Variants in DIAPH2 observed in about 807,000 individuals in gnomAD.
DIAPH2 encodes the protein diaphanous related formin 2.
A neutral mutation model predicts 92.7 loss-of-function variants in DIAPH2; 35 were observed. The observed-to-expected ratio is 0.38, with a 90% confidence interval of 0.29 to 0.50. The LOEUF is 0.50. Ranked by LOEUF, DIAPH2 falls within the 20% of genes least tolerant of loss-of-function variation. The pLI is 0.94. For missense variants in DIAPH2, 701 were observed against 819.5 expected, an observed-to-expected ratio of 0.86 and a Z score of 1.77; for synonymous variants, 301 against 280.4, an observed-to-expected ratio of 1.07 and a Z score of -0.73.
intron 3 of DIAPH2, among the ~76,000 whole-genome samples, chrX:96,751,413 A>G (rs2064186531): frequency 1.9e-5 from 2 of 104,839 alleles, no homozygotes; most frequent in Non-Finnish European, 3.9e-5. Context: ...AGTCTCTACT[A>G]AAAATACAAA....
At chrX:97,473,087 C>G (rs752084731) in intron 26 of DIAPH2, among the ~76,000 whole-genome samples, 1 of 112,158 alleles carries the variant, frequency 8.9e-6, no homozygotes, top group African/African-American at 3.2e-5. Flanking sequence ...TGCCTTGACT[C>G]TTTTAGCCTA....
intron 22 of DIAPH2, among the ~76,000 whole-genome samples, chrX:97,186,970 G>A (rs1449328970): frequency 1.8e-5 from 2 of 111,857 alleles, no homozygotes; most frequent in African/African-American, 6.5e-5. Context: ...GCCTGTTTAC[G>A]TAAGGACCAC....
chrX:97,540,606 T>A (rs911345440), intron 26 of DIAPH2, among the ~76,000 whole-genome samples: 6 of 112,254 alleles, frequency 5.3e-5, no homozygotes, highest in Non-Finnish European at 7.5e-5. Context: ...AAAAGTCATG[T>A]TGTAAATTAA....
chrX:97,412,590 C>T (rs763068045), intron 25 of DIAPH2, among the ~76,000 whole-genome samples: 1 of 111,519 alleles, frequency 9.0e-6, no homozygotes, highest in East Asian at 2.8e-4. Flanking sequence ...ACAAAAAACC[C>T]TTCAAAAAAT....
intron 26 of DIAPH2, among the ~76,000 whole-genome samples, chrX:97,559,928 G>A (rs1175966047): frequency 2.7e-5 from 3 of 111,719 alleles, no homozygotes; most frequent in Non-Finnish European, 5.6e-5. Context: ...ATATAAACTT[G>A]TATGGGGTTA....
intron 5 of DIAPH2, among the ~76,000 whole-genome samples, chrX:96,904,283 G>A (rs913212056): frequency 8.9e-6 from 1 of 111,967 alleles, no homozygotes; most frequent in African/African-American, 3.2e-5. Flanking sequence ...GTCAGGCTTC[G>A]AAGGTTTATG....
intron 23 of DIAPH2, among the ~76,000 whole-genome samples, chrX:97,288,761 C>T (rs977212792): frequency 4.6e-5 from 5 of 108,572 alleles, no homozygotes; most frequent in Non-Finnish European, 7.6e-5. Context: ...AAAAAAACAC[C>T]GATTCACTCT....
At chrX:97,002,322 G>T (rs192807741) in intron 17 of DIAPH2, among the ~76,000 whole-genome samples, 33 of 110,801 alleles carry the variant, frequency 3.0e-4, no homozygotes, top group African/African-American at 1.0e-3. Flanking sequence ...GTTTGCATCA[G>T]TGTCATGTGG....
At chrX:96,989,515 T>C (rs1362129959) in intron 17 of DIAPH2, among the ~76,000 whole-genome samples, 2 of 112,180 alleles carry the variant, frequency 1.8e-5, no homozygotes, top group Admixed American at 1.9e-4. Flanking sequence ...AACTGTACTA[T>C]TTTACTGTAT....
intron 22 of DIAPH2, among the ~76,000 whole-genome samples, chrX:97,237,769 G>A (rs1389545442): frequency 1.8e-5 from 2 of 109,898 alleles, no homozygotes; most frequent in African/African-American, 6.6e-5. Context: ...TTTTAGTAGA[G>A]ACGGAGTTTC....
intron 22 of DIAPH2, among the ~76,000 whole-genome samples, chrX:97,226,569 T>C (rs2067967089): frequency 9.0e-6 from 1 of 110,567 alleles, no homozygotes; most frequent in African/African-American, 3.3e-5. Flanking sequence ...GAGACAGGAT[T>C]TCATCATGTT....
chrX:97,131,118 A>G (rs2067135002), intron 21 of DIAPH2, among the ~76,000 whole-genome samples: 1 of 110,565 alleles, frequency 9.0e-6, no homozygotes, highest in South Asian at 3.9e-4. Context: ...AAATAAATAA[A>G]TAAATAAAAA....
At chrX:97,369,309 T>C (rs1166681713) in intron 24 of DIAPH2, among the ~76,000 whole-genome samples, 1 of 111,610 alleles carries the variant, frequency 9.0e-6, no homozygotes, top group Admixed American at 9.6e-5. Context: ...ACATAATGGA[T>C]ATATTAACAT....
At chrX:97,509,434 T>C (rs2070864685) in intron 26 of DIAPH2, among the ~76,000 whole-genome samples, 1 of 74,828 alleles carries the variant, frequency 1.3e-5, no homozygotes, top group Admixed American at 1.6e-4. Context: ...AACCTGTGTG[T>C]TCTTTTTTTT....
At chrX:97,434,095 T>C (rs1439574898) in intron 26 of DIAPH2, among the ~76,000 whole-genome samples, 1 of 110,697 alleles carries the variant, frequency 9.0e-6, no homozygotes, top group African/African-American at 3.3e-5. Context: ...AGTAAGAAAA[T>C]AGGATATATA....
At chrX:97,583,180 A>G (rs1166128523) in intron 26 of DIAPH2, among the ~76,000 whole-genome samples, 4 of 112,238 alleles carry the variant, frequency 3.6e-5, no homozygotes, top group Non-Finnish European at 5.6e-5. Flanking sequence ...AGCTCGTCGA[A>G]GTCATTCTCT....
At chrX:97,332,360 T>A (rs2069009451) in intron 23 of DIAPH2, among the ~76,000 whole-genome samples, 1 of 111,862 alleles carries the variant, frequency 8.9e-6, no homozygotes, top group South Asian at 3.7e-4. Context: ...CATAGATCTT[T>A]TGAATGCACA....
chrX:96,867,636 A>T (rs1165088568), intron 4 of DIAPH2, among the ~76,000 whole-genome samples: 1 of 112,065 alleles, frequency 8.9e-6, no homozygotes, highest in East Asian at 2.8e-4. Context: ...TATTTATCAC[A>T]AAAGGCTTGA....
In DIAPH2 at chrX:97,301,086, A is replaced by G. The variant is rs748415083; in HGVS notation, c.2845-47030A>G. Among the ~76,000 whole-genome samples, 21 of 102,603 alleles carry G rather than the reference A, an allele frequency of 2.0e-4. No individual in the cohort carries two copies. In the South Asian group the frequency reaches 9.5e-3, roughly 46 times the overall value. The allele number at this position is 102,603 out of a possible 115,157, so 89.1% of individuals were successfully genotyped here. A position where few individuals can be genotyped will look rare whatever the true frequency, so the allele number is the denominator to read the frequency against. ...TGGGAGGCCGAGGTGGGCGGATTAC[A>G]AAGTCAGGAGATCGACATCGCGCCA... On this transcript the variant is annotated intron_variant, in intron 23 of 26. Coordinates refer to ENST00000324765, the MANE Select transcript of DIAPH2 (RefSeq NM_006729.5).
Sources: allele counts gnomAD v4.1 joint callset (sites outside exome capture counted in the v4.1 genomes callset), GRCh38; gene constraint gnomAD v4.1.1; transcripts MANE v1.5; gene names NCBI Gene and HGNC (gene_info 2026-07-23, HGNC 2026-07-21).